The following MACROD2 variants were observed in gnomAD, a reference collection of about 807,000 sequenced individuals.
The protein encoded by MACROD2 is ADP-ribose glycohydrolase MACROD2.
Under a neutral mutation model 70.4 loss-of-function variants are expected in MACROD2, and 36 were observed. That is an observed-to-expected ratio of 0.51 (90% CI 0.39 to 0.68). The LOEUF is 0.68. Ranked by LOEUF, MACROD2 falls within the 30% of genes least tolerant of loss-of-function variation. The probability of loss-of-function intolerance (pLI) is 0.00; values close to 1 mark genes in which losing one functional copy is unlikely to be tolerated. For missense variants in MACROD2, 496 were observed against 538.4 expected, an observed-to-expected ratio of 0.92 and a Z score of 0.78; for synonymous variants, 172 against 178.8, an observed-to-expected ratio of 0.96 and a Z score of 0.30.
At chr20:14,992,263 G>C (rs767762174) in intron 5 of MACROD2, among the ~76,000 whole-genome samples, 1 of 152,152 alleles carries the variant, frequency 6.6e-6, no homozygotes, top group African/African-American at 2.4e-5. Context: ...CATTGCATCA[G>C]AACTGATGTT....
rs565873904 is a variant in MACROD2, at chr20:15,061,741, G to A, written c.419-168199G>A. On this transcript the variant is annotated intron_variant, in intron 5 of 17. Coordinates refer to ENST00000684519, the MANE Select transcript of MACROD2 (RefSeq NM_001351661.2). ...AAGGGGAAGGGGCTTTGCAGGTAAA[G>A]CAAAGATGTCTGATGATAAAGTGTA... is the stretch of plus-strand genomic sequence containing the variant. 1.3e-4 allele frequency among the ~76,000 whole-genome samples: 20 copies of A among 152,330 alleles called. No homozygotes were observed. In the South Asian group the frequency reaches 3.7e-3, roughly 28 times the overall value.
At chr20:14,903,145 G>A (rs1333852697) in intron 5 of MACROD2, among the ~76,000 whole-genome samples, 4 of 149,250 alleles carry the variant, frequency 2.7e-5, no homozygotes, top group South Asian at 2.1e-4. Flanking sequence ...GGATTCAAGC[G>A]ATTCGCCTGC....
intron 6 of MACROD2, among the ~76,000 whole-genome samples, chr20:15,240,154 A>T (rs1247631979): frequency 1.3e-5 from 2 of 152,152 alleles, no homozygotes; most frequent in Non-Finnish European, 2.9e-5. Context: ...CATGCTTCTG[A>T]CCTGTTCTTA....
chr20:14,959,693 C>T (rs2074567104), intron 5 of MACROD2, among the ~76,000 whole-genome samples: 1 of 152,140 alleles, frequency 6.6e-6, no homozygotes, highest in African/African-American at 2.4e-5. Flanking sequence ...AACGTGGGGC[C>T]TTGTTGAGCA....
At chr20:15,252,164 C>T (rs536469571) in intron 6 of MACROD2, among the ~76,000 whole-genome samples, 3 of 152,278 alleles carry the variant, frequency 2.0e-5, no homozygotes, top group South Asian at 4.1e-4. Flanking sequence ...CTATACTAGG[C>T]TTCTGTTTTA....
In MACROD2 at chr20:15,933,291, A is replaced by T; in HGVS notation, c.791A>T (p.Glu264Val). The change falls in exon 11 of 18, where the codon GAG (glutamate) becomes GTG (valine). Residue 264 changes from glutamate to valine, a missense_variant. By Grantham distance (121) the Glu-to-Val change is moderately radical. Coordinates refer to ENST00000684519, the MANE Select transcript of MACROD2 (RefSeq NM_001351661.2). ...MKEDSDENGP[E>V]EKQSVEEMEE... ...TTCTTGAAAGATGAGAACGGTCCAG[A>T]GGAGAAGCAAAGTGTGGAAGAAATG... is the stretch of plus-strand genomic sequence containing the variant. 3 of 1,613,390 alleles carry T rather than the reference A, an allele frequency of 1.9e-6. No homozygotes were observed. The highest frequency in any genetic ancestry group is 2.5e-6 in the Non-Finnish European group (3 of 1,179,562).
At chr20:15,525,370 G>A (rs925870515) in intron 8 of MACROD2, among the ~76,000 whole-genome samples, 6 of 152,162 alleles carry the variant, frequency 3.9e-5, no homozygotes, top group African/African-American at 1.4e-4. Flanking sequence ...CACAACTGTT[G>A]GATAAAGTTA....
intron 5 of MACROD2, among the ~76,000 whole-genome samples, chr20:15,029,170 C>G (rs2075255861): frequency 6.6e-6 from 1 of 152,174 alleles, no homozygotes; most frequent in South Asian, 2.1e-4. Context: ...GGCCCTCAAC[C>G]TAACTGCCAC....
chr20:14,975,333 G>A (rs1350827941), intron 5 of MACROD2, among the ~76,000 whole-genome samples: 1 of 152,108 alleles, frequency 6.6e-6, no homozygotes, highest in Non-Finnish European at 1.5e-5. Flanking sequence ...AGCCCACAGT[G>A]CGTATCCATA....
At chr20:14,629,677 C>A (rs1255272349) in intron 4 of MACROD2, among the ~76,000 whole-genome samples, 1 of 152,178 alleles carries the variant, frequency 6.6e-6, no homozygotes, top group Non-Finnish European at 1.5e-5. Context: ...CTCTCCAAGT[C>A]TTCTAAAGGT....
intron 2 of MACROD2, among the ~76,000 whole-genome samples, chr20:14,035,970 G>A (rs1179991092): frequency 3.9e-5 from 6 of 152,172 alleles, no homozygotes; most frequent in African/African-American, 9.6e-5. Context: ...GTGAAACCCC[G>A]TCTCTACTAA....
At chr20:14,871,553 G>A (rs2073488356) in intron 5 of MACROD2, among the ~76,000 whole-genome samples, 1 of 152,052 alleles carries the variant, frequency 6.6e-6, no homozygotes, top group African/African-American at 2.4e-5. Context: ...ACTATTATTA[G>A]CCATTACAAA....
At chr20:14,819,812 G>A (rs1396617290) in intron 5 of MACROD2, among the ~76,000 whole-genome samples, 1 of 152,104 alleles carries the variant, frequency 6.6e-6, no homozygotes, top group Admixed American at 6.6e-5. Flanking sequence ...AGCATTGAAA[G>A]GACAATGTGG....
chr20:15,430,719 C>A (rs1295706897), intron 6 of MACROD2, among the ~76,000 whole-genome samples: 2 of 151,866 alleles, frequency 1.3e-5, no homozygotes, highest in African/African-American at 4.8e-5. Flanking sequence ...ATATAAGCTT[C>A]TTTTAAATTG....
intron 3 of MACROD2, among the ~76,000 whole-genome samples, chr20:14,218,135 T>C (rs1413503043): frequency 3.3e-5 from 5 of 152,228 alleles, no homozygotes; most frequent in Non-Finnish European, 5.9e-5. Flanking sequence ...CCCAATATTA[T>C]TGTGTTGCTA....
At chr20:14,133,742 G>T (rs1031773493) in intron 3 of MACROD2, among the ~76,000 whole-genome samples, 2 of 152,134 alleles carry the variant, frequency 1.3e-5, no homozygotes, top group Admixed American at 6.5e-5. Flanking sequence ...TCTGTATTTT[G>T]CATACTGTGG....
In MACROD2 at chr20:16,052,979, G is replaced by T. The variant is rs1458296378; in HGVS notation, c.*3103G>T. ...TTAATGCAAATAAATGTAGTCTGTT[G>T]CTTGCAAGGAAAAAAAAATGGCTTC... On this transcript the variant is annotated 3_prime_UTR_variant, in exon 18 of 18. Coordinates refer to ENST00000684519, the MANE Select transcript of MACROD2 (RefSeq NM_001351661.2). The T allele has an allele frequency of 6.6e-6, 1 of 151,838 alleles. No individual in the cohort carries two copies. The highest frequency in any genetic ancestry group is 2.4e-5 in the African/African-American group (1 of 40,854). The allele number at this position is 151,838 out of a possible 1,614,324, so 9.4% of individuals were successfully genotyped here. A position where few individuals can be genotyped will look rare whatever the true frequency, so the allele number is the denominator to read the frequency against.
At chr20:15,394,873 G>C (rs899410510) in intron 6 of MACROD2, among the ~76,000 whole-genome samples, 2 of 152,184 alleles carry the variant, frequency 1.3e-5, no homozygotes, top group Non-Finnish European at 2.9e-5. Flanking sequence ...TCCAGTGTAG[G>C]TTAAACTGAA....
intron 3 of MACROD2, chr20:14,327,685 G>A (rs747816346): frequency 1.5e-6 from 1 of 683,748 alleles, no homozygotes; most frequent in African/African-American, 1.8e-5. Context: ...GTTTTGGGAG[G>A]GGGCATAATA....
Sources: allele counts gnomAD v4.1 joint callset (sites outside exome capture counted in the v4.1 genomes callset), GRCh38; gene constraint gnomAD v4.1.1; transcripts MANE v1.5; gene names NCBI Gene and HGNC (gene_info 2026-07-23, HGNC 2026-07-21).